Variants in SNRPG observed in about 807,000 individuals in gnomAD.
SNRPG encodes small nuclear ribonucleoprotein G.
SNRPG carries 3 observed loss-of-function variants against 13.9 expected under a neutral mutation model. That is an observed-to-expected ratio of 0.22 (90% CI 0.10 to 0.56). The LOEUF is 0.56. Among genes scored for constraint, SNRPG ranks in the 20% least tolerant of loss-of-function variants. The pLI is 0.93. For synonymous variants in SNRPG, 29 were observed against 29.3 expected, an observed-to-expected ratio of 0.99 and a Z score of 0.03; for missense variants, 34 against 96.1, an observed-to-expected ratio of 0.35 and a Z score of 2.70.
intron 1 of SNRPG, among the ~76,000 whole-genome samples, chr2:70,291,686 C>A (rs1402841725): frequency 2.0e-5 from 3 of 152,074 alleles, no homozygotes; most frequent in Non-Finnish European, 4.4e-5. Flanking sequence ...ATTTTGGCGG[C>A]AGATCTGACC....
At chr2:70,290,008 T>C (rs181656830) in intron 1 of SNRPG, among the ~76,000 whole-genome samples, 360 of 151,234 alleles carry the variant, frequency 2.4e-3, no homozygotes, top group South Asian at 5.6e-3. Context: ...TTCTTTCTTT[T>C]TTTTTTTTTT....
intron 3 of SNRPG, among the ~76,000 whole-genome samples, chr2:70,284,666 G>T (rs767769965): frequency 3.3e-5 from 5 of 152,158 alleles, no homozygotes; most frequent in Non-Finnish European, 5.9e-5. Context: ...TTACAGGTGT[G>T]AGCCACTGTA....
intron 1 of SNRPG, 134 bp downstream of exon 1, chr2:70,293,484 G>A: frequency 1.2e-6 from 1 of 851,240 alleles, no homozygotes; most frequent in Non-Finnish European, 2.0e-6. Context: ...GCCTGGCCGG[G>A]ATCCCGGCGA....
intron 1 of SNRPG, 70 bp downstream of exon 1, chr2:70,293,548 G>A: frequency 1.6e-6 from 2 of 1,288,044 alleles, no homozygotes; most frequent in East Asian, 2.3e-5. Flanking sequence ...TCGGCTAACG[G>A]AGAGGGAACC....
At position 70,292,073 on chromosome 2, in the gene SNRPG, G is replaced by A. The variant is rs541596080; in HGVS notation, c.32+1545C>T. 3.0e-3 allele frequency among the ~76,000 whole-genome samples: 446 copies of A among 149,696 alleles called. 7 individuals carry two copies. The highest frequency in any genetic ancestry group is 2.6e-3 in the Non-Finnish European group (175 of 67,592). Reference sequence around the variant, plus strand: ...CGCCATTCTCCTGCCTCAGCCTCCCGAGTAGCTGGGACTACAAGCGCCCGC... The same window carrying A: ...CGCCATTCTCCTGCCTCAGCCTCCCAAGTAGCTGGGACTACAAGCGCCCGC... On this transcript the variant is annotated intron_variant, in intron 1 of 3. Transcript: ENST00000272348.
chr2:70,293,269 C>T (rs1697150091), intron 1 of SNRPG: 5 of 700,764 alleles, frequency 7.1e-6, no homozygotes, highest in East Asian at 2.7e-5. Flanking sequence ...CCCCCTCTAG[C>T]CGTCTATCTA....
intron 3 of SNRPG, among the ~76,000 whole-genome samples, chr2:70,281,888 T>C (rs953383006): frequency 6.6e-6 from 1 of 152,200 alleles, no homozygotes; most frequent in African/African-American, 2.4e-5. Context: ...AACAATTTGC[T>C]TTATGAGATT....
intron 1 of SNRPG, chr2:70,293,210 A>G: frequency 1.4e-6 from 1 of 702,424 alleles, no homozygotes; most frequent in Non-Finnish European, 2.6e-6. Context: ...CGTAGTTTTA[A>G]AAACACTTCC....
chr2:70,281,394 T>C lies in SNRPG; in HGVS notation c.*240A>G, dbSNP rs1696778684. 6.1e-6 allele frequency: 2 copies of C among 328,822 alleles called. No homozygotes were observed. Among genetic ancestry groups the C allele is most frequent in the Non-Finnish European group, 1.2e-5 (2 of 173,094 alleles). The allele number at this position is 328,822 out of a possible 1,614,324, so 20.4% of individuals were successfully genotyped here. ...CATGTTTCACATTTAATAAGATTCT[T>C]TCACTTTAATGCATAAAACCCTTTG... On this transcript the variant is annotated 3_prime_UTR_variant, in exon 4 of 4. Transcript: ENST00000272348.
At chr2:70,293,210 A>C (rs1697148334) in intron 1 of SNRPG, 5 of 702,424 alleles carry the variant, frequency 7.1e-6, no homozygotes, top group Non-Finnish European at 1.3e-5. Flanking sequence ...CGTAGTTTTA[A>C]AAACACTTCC....
In SNRPG at chr2:70,288,184, T is replaced by A; in HGVS notation, c.64A>T (p.Asn22Tyr). ...ATTCCTTGGACATGTCTGCCACCAT[T>A]TAATTTCACTATTAAAAAGAGAAAA... Reference protein sequence around the residue: ...FMDKKLSLKLNGGRHVQGILR... With the variant: ...FMDKKLSLKLYGGRHVQGILR... Residue 22 changes from asparagine (N) to tyrosine (Y), a missense_variant, in exon 3 of 4, where the codon AAT becomes TAT. Asn to Tyr is a moderately radical substitution (Grantham distance 143). Coordinates refer to ENST00000272348, the MANE Select transcript of SNRPG (RefSeq NM_003096.4). 6.2e-7 allele frequency: 1 copy of A among 1,612,326 alleles called. No homozygotes were observed. Among genetic ancestry groups the A allele is most frequent in the Non-Finnish European group, 8.5e-7 (1 of 1,178,592 alleles).
At chr2:70,288,480 A>ATCG (rs1367709529) in intron 2 of SNRPG, among the ~76,000 whole-genome samples, 1 of 152,216 alleles carries the variant, frequency 6.6e-6, no homozygotes, top group African/African-American at 2.4e-5. Context: ...GCTGGTCTCG[A>ATCG]ACTCCTGGGC....
chr2:70,293,472 G>A, intron 1 of SNRPG, 146 bp downstream of exon 1: 2 of 794,352 alleles, frequency 2.5e-6, no homozygotes, highest in South Asian at 1.4e-5. Flanking sequence ...TCATGCGCGG[G>A]AGCCTGGCCG....
At chr2:70,285,564 T>G (rs1414231734) in intron 3 of SNRPG, among the ~76,000 whole-genome samples, 1 of 152,048 alleles carries the variant, frequency 6.6e-6, no homozygotes, top group Non-Finnish European at 1.5e-5. Flanking sequence ...ACAGTGAGAC[T>G]CTGTCATACA....
At position 70,285,577 on chromosome 2, in the gene SNRPG, C is replaced by T. The variant is rs915912477; in HGVS notation, c.180+2491G>A. 1.4e-4 allele frequency among the ~76,000 whole-genome samples: 22 copies of T among 152,158 alleles called. No homozygotes were observed. In the South Asian group the frequency reaches 2.5e-3, roughly 17 times the overall value. Reference sequence around the variant, plus strand: ...ACACAGTGAGACTCTGTCATACACACGCGCGTGCACACACACACACACAGA... The same window carrying T: ...ACACAGTGAGACTCTGTCATACACATGCGCGTGCACACACACACACACAGA... On this transcript the variant is annotated intron_variant, in intron 3 of 3. Coordinates refer to ENST00000272348, the MANE Select transcript of SNRPG (RefSeq NM_003096.4).
intron 3 of SNRPG, among the ~76,000 whole-genome samples, chr2:70,286,261 G>C (rs1696939417): frequency 1.3e-5 from 2 of 152,040 alleles, no homozygotes; most frequent in Non-Finnish European, 2.9e-5. Flanking sequence ...ACAGTATTAA[G>C]TAATTTCAAT....
intron 1 of SNRPG, among the ~76,000 whole-genome samples, chr2:70,291,877 G>T (rs950174933): frequency 4.0e-5 from 6 of 149,444 alleles, no homozygotes; most frequent in Non-Finnish European, 8.9e-5. Context: ...GAATCCAGAG[G>T]ATACTTACAT....
chr2:70,293,477 T>C (rs1697158890), intron 1 of SNRPG, 141 bp downstream of exon 1: 5 of 821,752 alleles, frequency 6.1e-6, no homozygotes, highest in Admixed American at 3.6e-5. Flanking sequence ...CGCGGGAGCC[T>C]GGCCGGGATC....
chr2:70,289,355 A>G lies in SNRPG; in HGVS notation c.50T>C (p.Leu17Ser). Reference protein sequence around the residue: ...PELKKFMDKKLSLKLNGGRHV... With the variant: ...PELKKFMDKKSSLKLNGGRHV... ...CAAAACAACAACAAACTTACATGAT[A>G]ACTTCTTGTCCATAAATCTGAAAAA... Residue 17 changes from leucine to serine, a missense_variant, in exon 2 of 4, where the codon TTA (leucine) becomes TCA (serine). Physicochemically the swap from Leu to Ser is moderately radical, Grantham distance 145. Transcript: ENST00000272348. 6.9e-7 allele frequency: 1 copy of G among 1,443,454 alleles called. No homozygotes were observed. Among genetic ancestry groups the G allele is most frequent in the South Asian group, 1.2e-5 (1 of 82,474 alleles). The allele number at this position is 1,443,454 out of a possible 1,614,324, so 89.4% of individuals were successfully genotyped here. A position where few individuals can be genotyped will look rare whatever the true frequency, so the allele number is the denominator to read the frequency against.
Sources: gnomAD v4.1 joint callset for allele counts (sites outside exome capture counted in the v4.1 genomes callset) on GRCh38, gnomAD v4.1.1 for gene constraint, MANE v1.5 for transcripts, NCBI Gene and HGNC (gene_info 2026-07-23, HGNC 2026-07-21) for gene names.